The following UXS1 variants were observed in gnomAD, a reference collection of about 807,000 sequenced individuals.
UXS1 encodes UDP-glucuronate decarboxylase 1.
A neutral mutation model predicts 62.6 loss-of-function variants in UXS1; 33 were observed. The ratio of observed to expected loss-of-function variants is 0.53; its 90% CI spans 0.40 to 0.70. The LOEUF is 0.70. Among genes scored for constraint, UXS1 ranks in the 30% least tolerant of loss-of-function variants. The pLI, the probability that UXS1 is intolerant of heterozygous loss-of-function variation, is 0.00. For missense variants in UXS1, 434 were observed against 556.3 expected, an observed-to-expected ratio of 0.78 and a Z score of 2.21; for synonymous variants, 213 against 206.8, an observed-to-expected ratio of 1.03 and a Z score of -0.26.
At chr2:106,146,186 G>A (rs1223912271) in intron 5 of UXS1, among the ~76,000 whole-genome samples, 1 of 152,244 alleles carries the variant, frequency 6.6e-6, no homozygotes, top group East Asian at 1.9e-4. Flanking sequence ...AAGGTTATAG[G>A]CGGTGGGAGT....
At position 106,096,819 on chromosome 2, in the gene UXS1, T is replaced by C; in HGVS notation, c.1045A>G (p.Ser349Gly). 1 of 1,581,398 alleles carries C rather than the reference T, an allele frequency of 6.3e-7. No individual in the cohort carries two copies. Among genetic ancestry groups the C allele is most frequent in the Non-Finnish European group, 8.6e-7 (1 of 1,161,824 alleles). Residue 349 changes from serine to glycine, a missense_variant and splice_region_variant, in exon 14 of 15, where the codon AGC becomes GGC. Ser to Gly is a moderately conservative substitution (Grantham distance 56, BLOSUM62 0). Coordinates refer to ENST00000283148, the MANE Select transcript of UXS1 (RefSeq NM_001253875.2). ...GAGAGAAACTGAATTTCACTTCCGC[T>C]ACCTGAGATGTTTAAAGAAAAAAAA... is the stretch of plus-strand genomic sequence containing the variant. ...FAQLIKNLVG[S>G]GSEIQFLSEA...
intron 5 of UXS1, among the ~76,000 whole-genome samples, chr2:106,152,600 A>G (rs1186220954): frequency 1.3e-5 from 2 of 151,958 alleles, no homozygotes; most frequent in African/African-American, 4.8e-5. Context: ...AAAAGAAAAG[A>G]AAAAAGAAGA....
At chr2:106,193,894 C>T (rs1157795098) in intron 1 of UXS1, among the ~76,000 whole-genome samples, 1 of 151,776 alleles carries the variant, frequency 6.6e-6, no homozygotes, top group East Asian at 2.0e-4. Flanking sequence ...GACCTGGGGC[C>T]GCCCGAGGAC....
At chr2:106,156,278 C>T (rs531007311) in intron 5 of UXS1, among the ~76,000 whole-genome samples, 46 of 152,200 alleles carry the variant, frequency 3.0e-4, no homozygotes, top group African/African-American at 8.9e-4. Context: ...AATAAGCACA[C>T]AAAAAGATGC....
rs368427904 is a variant in UXS1, at chr2:106,094,074, G to C, written c.1230C>G (p.Pro410=). ...LEYQANNQYI[P]KPKPARIKKG... is the part of the protein sequence containing the mutation. ...TCTTTATTCTGGCAGGCTTTGGTTT[G>C]GGGATGTACTGATTATTTGCCTGGT... The change falls in exon 15 of 15, where the codon CCC becomes CCG. Residue 410 remains proline (P), a synonymous_variant. Transcript: ENST00000283148. 17 of 1,613,306 alleles carry C rather than the reference G, an allele frequency of 1.1e-5. No individual in the cohort carries two copies. The highest frequency in any genetic ancestry group is 1.4e-5 in the Non-Finnish European group (17 of 1,179,772).
chr2:106,178,612 G>A (rs1684048655), intron 1 of UXS1, among the ~76,000 whole-genome samples: 1 of 151,954 alleles, frequency 6.6e-6, no homozygotes, highest in African/African-American at 2.4e-5. Flanking sequence ...GTGTATATAT[G>A]TGTGTGTGTA....
chr2:106,140,707 T>C (rs1681030311), intron 6 of UXS1, among the ~76,000 whole-genome samples: 1 of 152,182 alleles, frequency 6.6e-6, no homozygotes, highest in Non-Finnish European at 1.5e-5. Flanking sequence ...ATAATTAAAC[T>C]TGCCAACCAT....
intron 14 of UXS1, among the ~76,000 whole-genome samples, chr2:106,096,305 T>C (rs986039487): frequency 1.4e-4 from 22 of 151,868 alleles, no homozygotes; most frequent in Non-Finnish European, 3.1e-4. Flanking sequence ...TGTGAATGTA[T>C]ATGTATGTGT....
In UXS1 at chr2:106,122,959, T is replaced by G; in HGVS notation, c.759+11A>C. On this transcript the variant is annotated intron_variant, in intron 9 of 14. Coordinates refer to ENST00000283148, the MANE Select transcript of UXS1 (RefSeq NM_001253875.2). ...ACGCCTAAACCGCAAGCCTAGACCC[T>G]GGTGAAATACCTGCTTCATGTAGGC... The G allele has an allele frequency of 6.2e-7, 1 of 1,613,420 alleles. No individual in the cohort carries two copies. Among genetic ancestry groups the G allele is most frequent in the Non-Finnish European group, 8.5e-7 (1 of 1,179,580 alleles).
At chr2:106,116,008 T>C (rs1679025772) in intron 9 of UXS1, among the ~76,000 whole-genome samples, 2 of 152,074 alleles carry the variant, frequency 1.3e-5, no homozygotes, top group Admixed American at 6.5e-5. Flanking sequence ...GCTGGAACAG[T>C]GTAACTGGCA....
chr2:106,185,590 A>G (rs1052607206), intron 1 of UXS1, among the ~76,000 whole-genome samples: 1 of 152,258 alleles, frequency 6.6e-6, no homozygotes, highest in Non-Finnish European at 1.5e-5. Flanking sequence ...CACAGTGATT[A>G]AAGAAAGATC....
chr2:106,101,029 C>G, intron 12 of UXS1, 29 bp downstream of exon 12: 2 of 1,613,790 alleles, frequency 1.2e-6, no homozygotes, highest in Non-Finnish European at 1.7e-6. Flanking sequence ...CTGAGCTGTC[C>G]TGCAGAGTGG....
intron 5 of UXS1, among the ~76,000 whole-genome samples, chr2:106,155,468 A>T (rs1213542857): frequency 6.6e-6 from 1 of 152,164 alleles, no homozygotes; most frequent in African/African-American, 2.4e-5. Context: ...TCGCTCAATG[A>T]CTCACCTAGA....
At chr2:106,126,279 A>C (rs988439338) in intron 7 of UXS1, among the ~76,000 whole-genome samples, 12 of 152,222 alleles carry the variant, frequency 7.9e-5, no homozygotes, top group Non-Finnish European at 8.8e-5. Flanking sequence ...ATGGTGGTCA[A>C]GTAAGTATGG....
chr2:106,106,809 AC>A (rs1238832537), intron 10 of UXS1, among the ~76,000 whole-genome samples: 2 of 152,164 alleles, frequency 1.3e-5, no homozygotes, highest in Admixed American at 6.5e-5. Context: ...TCCCCTCTAC[AC>A]CAGTGCCGTA....
chr2:106,151,731 T>C lies in UXS1; in HGVS notation c.291+6327A>G, dbSNP rs1007030059. Among the ~76,000 whole-genome samples the C allele has an allele frequency of 1.4e-4, 21 of 152,232 alleles. 1 individual carries two copies. The highest frequency in any genetic ancestry group is 2.9e-5 in the Non-Finnish European group (2 of 68,046). On this transcript the variant is annotated intron_variant, in intron 5 of 14. Coordinates refer to ENST00000283148, the MANE Select transcript of UXS1 (RefSeq NM_001253875.2). ...TTTTCTATGCTACTTGAGACACTTA[T>C]TTCCAAATTCATGCTCAAATGCATA...
At chr2:106,183,990 G>C (rs2004836) in intron 1 of UXS1, among the ~76,000 whole-genome samples, 1 of 151,946 alleles carries the variant, frequency 6.6e-6, no homozygotes, top group East Asian at 1.9e-4. Flanking sequence ...TCGGGAGTTC[G>C]AGACCAGCCT....
chr2:106,120,335 C>A (rs1573446439), intron 9 of UXS1, among the ~76,000 whole-genome samples: 2 of 152,318 alleles, frequency 1.3e-5, no homozygotes, highest in East Asian at 3.9e-4. Flanking sequence ...CTCCTGTCTG[C>A]CTCGCAGCCA....
intron 10 of UXS1, among the ~76,000 whole-genome samples, chr2:106,109,074 C>CT (rs1678356806): frequency 6.6e-6 from 1 of 152,104 alleles, no homozygotes; most frequent in Non-Finnish European, 1.5e-5. Context: ...CGCCTTACCT[C>CT]TGATGCTTCC....
Sources: gnomAD v4.1 joint callset for allele counts (sites outside exome capture counted in the v4.1 genomes callset) on GRCh38, gnomAD v4.1.1 for gene constraint, MANE v1.5 for transcripts, NCBI Gene and HGNC (gene_info 2026-07-23, HGNC 2026-07-21) for gene names.